COL6A1: variants seen among roughly 807,000 people sequenced by gnomAD.
COL6A1 encodes the protein collagen type VI alpha 1 chain, also known as collagen alpha-1(VI) chain.
Under a neutral mutation model 145.6 loss-of-function variants are expected in COL6A1, and 80 were observed. The ratio of observed to expected loss-of-function variants is 0.55; its 90% CI spans 0.46 to 0.66. COL6A1 has a LOEUF of 0.66. Among genes scored for constraint, COL6A1 ranks in the 30% least tolerant of loss-of-function variants. The probability of loss-of-function intolerance (pLI) is 0.00; values close to 1 mark genes in which losing one functional copy is unlikely to be tolerated. For synonymous variants in COL6A1, 638 were observed against 622.8 expected (o/e 1.02, Z -0.36); for missense variants, 1,364 against 1,473.8 (o/e 0.93, Z 1.22).
chr21:45,994,204 G>GC lies in COL6A1; in HGVS notation c.1377dup (p.Val460ArgfsTer16). ...CCGCAGGGTGATCAGGGAAGAGAAG[G>GC]CCCCGTTGGTGTCCCTGGAGACCCG... On this transcript the variant is annotated frameshift_variant, in exon 20 of 35. Transcript: ENST00000361866. LOFTEE classifies it high-confidence loss of function. The surrounding 1 kb of genome is among the most constrained non-coding windows in gnomAD (Gnocchi z 6.8). 1 of 1,609,474 alleles carries GC rather than the reference G, an allele frequency of 6.2e-7. No homozygotes were observed. The highest frequency in any genetic ancestry group is 1.1e-5 in the South Asian group (1 of 89,754).
At chr21:45,999,066 C>G in intron 25 of COL6A1, 87 bp from the exon 26 acceptor site, 1 of 1,543,086 alleles carries the variant, frequency 6.5e-7, no homozygotes, top group Non-Finnish European at 8.8e-7. Context: ...CTCATGGGCC[C>G]CGGCTGCTGG....
In COL6A1 at chr21:45,982,003, G is replaced by A. The variant is rs2077709894; in HGVS notation, c.97+56G>A. The A allele has an allele frequency of 9.2e-6, 13 of 1,406,286 alleles. No homozygotes were observed. The South Asian group carries it at 1.5e-4, about 16-fold the overall frequency. 87.1% of individuals were successfully genotyped at this position (1,406,286 alleles called of 1,614,324 possible). Reference sequence around the variant, plus strand: ...ACCCCCCGCTCTTTGCTGCCGGCCAGGGCCAGATGCGCGGGGTCCCCTCCC... The same window carrying A: ...ACCCCCCGCTCTTTGCTGCCGGCCAAGGCCAGATGCGCGGGGTCCCCTCCC... On this transcript the variant is annotated intron_variant, in intron 1 of 34. Coordinates refer to ENST00000361866, the MANE Select transcript of COL6A1 (RefSeq NM_001848.3).
Position 45,997,576 on chromosome 21 carries a change from A to G in COL6A1, c.1461+93A>G, listed in dbSNP as rs1432235683. 1.9e-6 allele frequency: 3 copies of G among 1,538,928 alleles called. No homozygotes were observed. In the East Asian group the frequency reaches 6.9e-5, roughly 35 times the overall value. ...CCCAGTGCTGGCCCCGTGCCCTCTGAGGACTCTATGGCCCTGGGTGTCCTG... is the reference window on the plus strand; with the variant it reads ...CCCAGTGCTGGCCCCGTGCCCTCTGGGGACTCTATGGCCCTGGGTGTCCTG... On this transcript the variant is annotated intron_variant, in intron 21 of 34. Transcript: ENST00000361866.
Position 45,990,844 on chromosome 21 carries a change from A to T in COL6A1, c.1056+18A>T. The T allele has an allele frequency of 6.2e-7, 1 of 1,613,080 alleles. No individual in the cohort carries two copies. Among genetic ancestry groups the T allele is most frequent in the Non-Finnish European group, 8.5e-7 (1 of 1,179,822 alleles). ...GGTTTGACGTAAGTCACTTCCTCTC[A>T]CTGATACTTTAAAACTAGCGCTGTC... On this transcript the variant is annotated intron_variant, in intron 14 of 34. Coordinates refer to ENST00000361866, the MANE Select transcript of COL6A1 (RefSeq NM_001848.3).
At position 45,988,115 on chromosome 21, in the gene COL6A1, G is replaced by T. The variant is rs1375585508; in HGVS notation, c.804+461G>T. On this transcript the variant is annotated intron_variant, in intron 8 of 34. Coordinates refer to ENST00000361866, the MANE Select transcript of COL6A1 (RefSeq NM_001848.3). ...GTCGGGGCTCCAGATGGAGGGGACG[G>T]CGGGAGTCCAGATGGAGGGGACGGC... Among the ~76,000 whole-genome samples the T allele has an allele frequency of 6.0e-4, 2 of 3,354 alleles. 1 individual carries two copies. The highest frequency in any genetic ancestry group is 4.7e-3 in the African/African-American group (2 of 422). 2.2% of individuals were successfully genotyped at this position (3,354 alleles called of 152,430 possible). A position where few individuals can be genotyped will look rare whatever the true frequency, so the allele number is the denominator to read the frequency against.
chr21:45,987,557 AC>A (rs769721470), intron 7 of COL6A1, 38 bp downstream of exon 7: 5 of 1,612,472 alleles, frequency 3.1e-6, no homozygotes, highest in African/African-American at 1.3e-5. Flanking sequence ...CGCGCCCTGC[AC>A]CCTGGGAACC....
intron 3 of COL6A1, 65 bp from the exon 4 acceptor site, chr21:45,986,461 G>C (rs904636925): frequency 6.6e-7 from 1 of 1,514,728 alleles, no homozygotes; most frequent in Non-Finnish European, 9.0e-7. Flanking sequence ...CTCCCGGACA[G>C]GCTTGGGTCT....
chr21:45,992,927 G>A (rs939929248), intron 19 of COL6A1, 117 bp downstream of exon 19: 22 of 892,934 alleles, frequency 2.5e-5, no homozygotes, highest in African/African-American at 8.3e-5. Context: ...GCCCCTCAAC[G>A]TGGCCAGCCC....
At position 46,004,767 on chromosome 21, in the gene COL6A1, C is replaced by T. The variant is rs886057163; in HGVS notation, c.*754C>T. Reference sequence around the variant, plus strand: ...CGACCTCAGAGAGTACTCGCAGGGGCGCTGGCTGCACTCAAGACCCTCGAG... The same window carrying T: ...CGACCTCAGAGAGTACTCGCAGGGGTGCTGGCTGCACTCAAGACCCTCGAG... On this transcript the variant is annotated 3_prime_UTR_variant, in exon 35 of 35. Coordinates refer to ENST00000361866, the MANE Select transcript of COL6A1 (RefSeq NM_001848.3). 52 of 427,974 alleles carry T rather than the reference C, an allele frequency of 1.2e-4. No homozygotes were observed. The highest frequency in any genetic ancestry group is 2.1e-4 in the Non-Finnish European group (44 of 210,752). The allele number at this position is 427,974 out of a possible 1,614,324, so 26.5% of individuals were successfully genotyped here.
At position 45,982,644 on chromosome 21, in the gene COL6A1, G is replaced by T. The variant is rs1259912974; in HGVS notation, c.108G>T (p.Val36=). The change falls in exon 2 of 35, where the codon GTG becomes GTT. Residue 36 remains valine, a synonymous_variant. Transcript: ENST00000361866. ...TCCATCTTCGGCCAGACTGCCCCGT[G>T]GACCTGTTCTTTGTGCTGGACACCT... ...PRAVAFQDCP[V]DLFFVLDTSE... 3.1e-6 allele frequency: 5 copies of T among 1,612,736 alleles called. No individual in the cohort carries two copies. In the Admixed American group the frequency reaches 8.3e-5, roughly 27 times the overall value.
intron 2 of COL6A1, among the ~76,000 whole-genome samples, chr21:45,983,349 A>AC (rs1412371270): frequency 3.0e-5 from 4 of 133,108 alleles, no homozygotes; most frequent in South Asian, 2.7e-4. Context: ...CTGAGGACAG[A>AC]CCGGGGGGAG....
In COL6A1 at chr21:45,997,464, A is replaced by T. The variant is rs556176545; in HGVS notation, c.1442A>T (p.Glu481Val). The T allele has an allele frequency of 4.2e-5, 67 of 1,612,004 alleles. No individual in the cohort carries two copies. The South Asian group carries it at 7.1e-4, about 17-fold the overall frequency. ...GGACCTAAAGGCTACCGAGGCGATG[A>T]GGGTCCCCCAGGGTCCGAGGTGAGT... ...PIGPKGYRGD[E>V]GPPGSEGARG... Residue 481 changes from glutamate (E) to valine (V), a missense_variant, in exon 21 of 35, where the codon GAG becomes GTG. Physicochemically the swap from Glu to Val is moderately radical, Grantham distance 121. This residue lies in a region of COL6A1 where 938 missense variants were observed against 1,003.8 expected (regional missense o/e 0.93). Transcript: ENST00000361866.
At chr21:45,992,859 G>A (rs752102521) in intron 19 of COL6A1, 49 bp downstream of exon 19, 69 of 1,527,552 alleles carry the variant, frequency 4.5e-5, no homozygotes, top group African/African-American at 1.2e-4. Context: ...AGGGGCAGGC[G>A]GAGGCTGGGG....
In COL6A1 at chr21:46,001,405, C is replaced by A; in HGVS notation, c.1956+19C>A. On this transcript the variant is annotated intron_variant, in intron 30 of 34. Coordinates refer to ENST00000361866, the MANE Select transcript of COL6A1 (RefSeq NM_001848.3). ...GGTCAAGGTGAGGCCTCGCCCCGCC[C>A]GGCTTTCTCAAGCCCAGGTGCACCC... is the stretch of plus-strand genomic sequence containing the variant. 1 of 1,606,780 alleles carries A rather than the reference C, an allele frequency of 6.2e-7. No individual in the cohort carries two copies. Among genetic ancestry groups the A allele is most frequent in the Non-Finnish European group, 8.5e-7 (1 of 1,179,276 alleles).
intron 24 of COL6A1, 38 bp downstream of exon 24, chr21:45,998,471 CA>C (rs2077819571): frequency 6.2e-7 from 1 of 1,612,712 alleles, no homozygotes. Flanking sequence ...TGTGGGCACA[CA>C]AACATTCACA....
chr21:45,985,291 GAGAT>G (rs1030693990), intron 3 of COL6A1, among the ~76,000 whole-genome samples: 17 of 151,760 alleles, frequency 1.1e-4, no homozygotes, highest in African/African-American at 3.2e-4. Flanking sequence ...CAGAGACAGA[GAGAT>G]AGAGACAGAG....
Position 45,994,349 on chromosome 21 carries a change from T to G in COL6A1, c.1398+120T>G. 1.0e-6 allele frequency: 1 copy of G among 994,790 alleles called. No individual in the cohort carries two copies. The highest frequency in any genetic ancestry group is 1.5e-6 in the Non-Finnish European group (1 of 649,896). 61.6% of individuals were successfully genotyped at this position (994,790 alleles called of 1,614,324 possible). A position where few individuals can be genotyped will look rare whatever the true frequency, so the allele number is the denominator to read the frequency against. ...CCGTTTGAGGGCCTCTGTGTTTCCGTAGATCTCGGGGGTGTCCCTGCGTGG... is the reference window on the plus strand; with the variant it reads ...CCGTTTGAGGGCCTCTGTGTTTCCGGAGATCTCGGGGGTGTCCCTGCGTGG... On this transcript the variant is annotated intron_variant, in intron 20 of 34. Transcript: ENST00000361866. The surrounding 1 kb of genome is among the most constrained non-coding windows in gnomAD (Gnocchi z 6.8).
intron 11 of COL6A1, 62 bp from the exon 12 acceptor site, chr21:45,990,196 C>T (rs2077766451): frequency 6.2e-7 from 1 of 1,603,280 alleles, no homozygotes; most frequent in Non-Finnish European, 8.5e-7. Context: ...TGGGCCTAAG[C>T]CAGGCTTGCC....
At position 45,989,670 on chromosome 21, in the gene COL6A1, C is replaced by G; in HGVS notation, c.903+18C>G. On this transcript the variant is annotated intron_variant, in intron 10 of 34. Coordinates refer to ENST00000361866, the MANE Select transcript of COL6A1 (RefSeq NM_001848.3). ...GAATGAAGGTACGTGCCCCCCCTTT[C>G]CTGGCCCGAGCCCGGTGGTGCCCTC... 7 of 1,613,178 alleles carry G rather than the reference C, an allele frequency of 4.3e-6. No homozygotes were observed. The highest frequency in any genetic ancestry group is 5.9e-6 in the Non-Finnish European group (7 of 1,179,992).
Sources: allele counts gnomAD v4.1 joint callset (sites outside exome capture counted in the v4.1 genomes callset), GRCh38; gene constraint gnomAD v4.1.1; regional missense constraint gnomAD v4.1.1; non-coding constraint Gnocchi (gnomAD v3.1); transcripts MANE v1.5; gene names NCBI Gene and HGNC (gene_info 2026-07-23, HGNC 2026-07-21).